The following NFIB variants were observed in gnomAD, a reference collection of about 807,000 sequenced individuals.
The protein encoded by NFIB is nuclear factor 1 B-type.
In NFIB, 11 loss-of-function variants were observed where a neutral mutation model predicts 61.5. The observed-to-expected ratio is 0.18, with a 90% CI of 0.11 to 0.30. The LOEUF is 0.30. Among genes scored for constraint, NFIB ranks in the 10% least tolerant of loss-of-function variants. The pLI is 1.00. For missense variants in NFIB, 471 were observed against 608.9 expected (o/e 0.77, Z 2.38); for synonymous variants, 260 against 216.5 (o/e 1.20, Z -1.76).
chr9:14,375,384 G>A (rs896329490), intron 1 of NFIB, among the ~76,000 whole-genome samples: 3 of 152,212 alleles, frequency 2.0e-5, no homozygotes, highest in African/African-American at 7.2e-5. Context: ...AGGGCCAGGT[G>A]CAGTGGCTCA....
chr9:14,434,815 C>G, the NFIB span, among the ~76,000 whole-genome samples: 2 of 152,156 alleles, frequency 1.3e-5, no homozygotes, highest in African/African-American at 4.8e-5. Flanking sequence ...AAACAAAATG[C>G]ACAGGAATAC....
the NFIB span, among the ~76,000 whole-genome samples, chr9:14,416,548 G>C: frequency 6.6e-6 from 1 of 151,444 alleles, no homozygotes; most frequent in Admixed American, 6.6e-5. Context: ...TAAAATACAA[G>C]AATGCTTACA....
chr9:14,517,854 C>T, the NFIB span, among the ~76,000 whole-genome samples: 2 of 152,112 alleles, frequency 1.3e-5, no homozygotes, highest in African/African-American at 4.8e-5. Context: ...ATGGTCATCC[C>T]TCTGCAGGAA....
chr9:14,173,611 A>G (rs2045818969), intron 3 of NFIB, among the ~76,000 whole-genome samples: 1 of 152,136 alleles, frequency 6.6e-6, no homozygotes, highest in Admixed American at 6.6e-5. Flanking sequence ...CTACCTATAG[A>G]CAGCTCTTTC....
chr9:14,110,073 TC>T (rs2037120591), intron 10 of NFIB, among the ~76,000 whole-genome samples: 1 of 152,148 alleles, frequency 6.6e-6, no homozygotes, highest in South Asian at 2.1e-4. Flanking sequence ...AGTACAGGGT[TC>T]ATTTTAACAT....
chr9:14,167,082 TC>T lies in NFIB; in HGVS notation c.617-11190del, dbSNP rs1250264669. On this transcript the variant is annotated intron_variant, in intron 3 of 10. Transcript: ENST00000380953. ...AAGGGCATATTGTTGTGTGTGTGTGTCGGGGGGGGGGGGTTCCCCTTTTTAA... is the reference window on the plus strand; with the variant it reads ...AAGGGCATATTGTTGTGTGTGTGTGTGGGGGGGGGGGGTTCCCCTTTTTAA... Among the ~76,000 whole-genome samples, 13 of 27,426 alleles carry T rather than the reference TC, an allele frequency of 4.7e-4. 1 individual carries two copies. In the South Asian group the frequency reaches 5.3e-3, roughly 11 times the overall value. The allele number at this position is 27,426 out of a possible 152,430, so 18.0% of individuals were successfully genotyped here.
chr9:14,204,938 G>T, intron 2 of NFIB: 1 of 350,148 alleles, frequency 2.9e-6, no homozygotes, highest in South Asian at 3.2e-5. Flanking sequence ...CAGAGCCAAT[G>T]AGATCCGTCA....
intron 6 of NFIB, among the ~76,000 whole-genome samples, chr9:14,140,089 A>T (rs545978814): frequency 2.6e-4 from 40 of 152,258 alleles, no homozygotes; most frequent in African/African-American, 9.6e-4. Context: ...CTGGTTCAAA[A>T]CTTTGGTATT....
In NFIB at chr9:14,155,908, TAA is replaced by T; in HGVS notation, c.617-17_617-16del. 1 of 1,470,810 alleles carries T rather than the reference TAA, an allele frequency of 6.8e-7. No homozygotes were observed. Among genetic ancestry groups the T allele is most frequent in the South Asian group, 1.2e-5 (1 of 81,454 alleles). The allele number at this position is 1,470,810 out of a possible 1,614,324, so 91.1% of individuals were successfully genotyped here. ...CTCAAGGTAACCTGAAAATAAATAT[TAA>T]AGGAAAAATGATCAATATAAGCAGA... On this transcript the variant is annotated splice_polypyrimidine_tract_variant and intron_variant, in intron 3 of 10. Coordinates refer to ENST00000380953, the MANE Select transcript of NFIB (RefSeq NM_001190737.2).
At chr9:14,454,924 C>A in the NFIB span, among the ~76,000 whole-genome samples, 296 of 152,264 alleles carry the variant, frequency 1.9e-3, no homozygotes, top group African/African-American at 6.8e-3. Context: ...GGCTGCTTCT[C>A]GAACCTGGAA....
intron 2 of NFIB, among the ~76,000 whole-genome samples, chr9:14,246,564 G>C (rs745355246): frequency 2.0e-5 from 3 of 152,200 alleles, no homozygotes; most frequent in Admixed American, 6.5e-5. Context: ...ACATGGATTT[G>C]TAGAGTGAAT....
chr9:14,130,835 A>C (rs1381972481), intron 6 of NFIB, among the ~76,000 whole-genome samples: 1 of 152,240 alleles, frequency 6.6e-6, no homozygotes, highest in Non-Finnish European at 1.5e-5. Context: ...AGTATATCTT[A>C]AAATTCATGT....
Position 14,313,772 on chromosome 9 carries a change from C to T in NFIB, c.-261G>A, listed in dbSNP as rs1289646372. The T allele has an allele frequency of 1.6e-5, 22 of 1,341,498 alleles. No individual in the cohort carries two copies. The highest frequency in any genetic ancestry group is 3.4e-5 in the Admixed American group (1 of 29,310). 83.1% of individuals were successfully genotyped at this position (1,341,498 alleles called of 1,614,324 possible). On this transcript the variant is annotated 5_prime_UTR_variant, in exon 1 of 11. Transcript: ENST00000380953. This position sits in a 1 kb window ranked among gnomAD's most constrained non-coding sequence, Gnocchi z 4.5. ...CCTCTTGCAGTCCGAGCGCGCTGGCCGTGCTTGCCGAGGCCGCCGCCGCCG... is the reference window on the plus strand; with the variant it reads ...CCTCTTGCAGTCCGAGCGCGCTGGCTGTGCTTGCCGAGGCCGCCGCCGCCG...
At chr9:14,486,971 A>T in the NFIB span, among the ~76,000 whole-genome samples, 2 of 152,238 alleles carry the variant, frequency 1.3e-5, no homozygotes, top group Admixed American at 1.3e-4. Flanking sequence ...TTACCTATGA[A>T]CTAAAACATG....
chr9:14,394,069 A>G (rs527766629), intron 1 of NFIB, among the ~76,000 whole-genome samples: 1 of 152,202 alleles, frequency 6.6e-6, no homozygotes, highest in Non-Finnish European at 1.5e-5. Context: ...TCCTACTTCA[A>G]TAGTCATTTA....
chr9:14,150,391 T>C (rs2131155655), intron 4 of NFIB, 126 bp from the exon 5 acceptor site: 1 of 1,467,198 alleles, frequency 6.8e-7, no homozygotes, highest in Middle Eastern at 1.9e-4. Context: ...ACCTTAAGCC[T>C]CTAATACCCA....
At chr9:14,394,693 T>G (rs1421802948) in intron 1 of NFIB, among the ~76,000 whole-genome samples, 1 of 152,138 alleles carries the variant, frequency 6.6e-6, no homozygotes. Flanking sequence ...TCATGGGTTG[T>G]TTCATGGATT....
chr9:14,432,068 A>G, the NFIB span, among the ~76,000 whole-genome samples: 1 of 152,168 alleles, frequency 6.6e-6, no homozygotes, highest in Non-Finnish European at 1.5e-5. Context: ...GCCTCAAGAC[A>G]ATGGAGAGGC....
intron 2 of NFIB, among the ~76,000 whole-genome samples, chr9:14,294,760 C>T (rs957657240): frequency 6.6e-6 from 1 of 152,176 alleles, no homozygotes; most frequent in Non-Finnish European, 1.5e-5. Context: ...GTACGTGATA[C>T]ACTTATTATA....
Sources: allele counts gnomAD v4.1 joint callset (sites outside exome capture counted in the v4.1 genomes callset), GRCh38; gene constraint gnomAD v4.1.1; non-coding constraint Gnocchi (gnomAD v3.1); transcripts MANE v1.5; gene names NCBI Gene and HGNC (gene_info 2026-07-23, HGNC 2026-07-21).